Variants in EPHA5 observed in about 807,000 individuals in gnomAD.
EPHA5 encodes EPH receptor A5, also known as ephrin type-A receptor 5.
Under a neutral mutation model 105.0 loss-of-function variants are expected in EPHA5, and 60 were observed. That is an observed-to-expected ratio of 0.57 (90% CI 0.46 to 0.71). The LOEUF is 0.71. Among genes scored for constraint, EPHA5 ranks in the 30% least tolerant of loss-of-function variants. The pLI is 0.00. For synonymous variants in EPHA5, 513 were observed against 449.1 expected (o/e 1.14, Z -1.80); for missense variants, 1,218 against 1,274.7 (o/e 0.96, Z 0.68).
At position 65,629,814 on chromosome 4, in the gene EPHA5, C is replaced by A. The variant is rs367916207; in HGVS notation, c.246+13549G>T. Among the ~76,000 whole-genome samples, 49 of 152,204 alleles carry A rather than the reference C, an allele frequency of 3.2e-4. 1 individual carries two copies. The East Asian group carries it at 7.0e-3, about 22-fold the overall frequency. On this transcript the variant is annotated intron_variant, in intron 2 of 16. Coordinates refer to ENST00000613740, the MANE Select transcript of EPHA5 (RefSeq NM_001281766.3). ...CCCCCTACCCAGCTAGAGCTGTTTG[C>A]ATCAGTGATGCACAGGTGAACCAAG...
intron 8 of EPHA5, among the ~76,000 whole-genome samples, chr4:65,375,183 C>T (rs992788851): frequency 6.6e-6 from 1 of 151,752 alleles, no homozygotes; most frequent in Non-Finnish European, 1.5e-5. Context: ...TTTTATTTTA[C>T]CAAGAATATA....
chr4:65,580,295 C>T (rs554342016), intron 3 of EPHA5, among the ~76,000 whole-genome samples: 1 of 151,874 alleles, frequency 6.6e-6, no homozygotes, highest in South Asian at 2.1e-4. Context: ...ACAAACAAAC[C>T]TACAGAGCCA....
At chr4:65,449,485 T>G (rs1403180653) in intron 5 of EPHA5, among the ~76,000 whole-genome samples, 4 of 152,158 alleles carry the variant, frequency 2.6e-5, no homozygotes, top group Non-Finnish European at 4.4e-5. Context: ...GAAAGGGATA[T>G]GTACAAAGAT....
At chr4:65,386,709 A>T (rs570020688) in intron 8 of EPHA5, among the ~76,000 whole-genome samples, 2 of 152,026 alleles carry the variant, frequency 1.3e-5, no homozygotes, top group East Asian at 3.9e-4. Flanking sequence ...TGTTAAGTAA[A>T]AAAAACAGAA....
rs76031425 is a variant in EPHA5 at position 65,542,267 on chromosome 4, C to T, written c.911-46724G>A. Among the ~76,000 whole-genome samples the T allele has an allele frequency of 4.8e-3, 727 of 151,368 alleles. 8 individuals carry two copies. Among genetic ancestry groups the T allele is most frequent in the African/African-American group, 0.017 (693 of 41,386 alleles). ...GGAACTGAAGAAGATAAAGACACAA[C>T]AAACATCAAAAAATCAATAAATCCA... On this transcript the variant is annotated intron_variant, in intron 3 of 16. Transcript: ENST00000613740.
At chr4:65,380,523 A>C (rs893006741) in intron 8 of EPHA5, among the ~76,000 whole-genome samples, 4 of 151,764 alleles carry the variant, frequency 2.6e-5, no homozygotes, top group African/African-American at 4.8e-5. Context: ...ACTGCAGGCT[A>C]TGGATAAATT....
At chr4:65,330,514 C>T (rs1034776782) in intron 16 of EPHA5, 1 of 366,284 alleles carries the variant, frequency 2.7e-6, no homozygotes, top group Non-Finnish European at 3.8e-6. Context: ...GTAGATGTAA[C>T]TATATACAGA....
chr4:65,465,547 AAAGG>A (rs1180021660), intron 5 of EPHA5, among the ~76,000 whole-genome samples: 9 of 67,760 alleles, frequency 1.3e-4, no homozygotes, highest in East Asian at 5.3e-4. Context: ...GAAAGGAAGG[AAAGG>A]AAGGAAAGGA....
intron 3 of EPHA5, among the ~76,000 whole-genome samples, chr4:65,565,718 A>G (rs887927186): frequency 2.6e-5 from 4 of 151,658 alleles, no homozygotes; most frequent in African/African-American, 9.7e-5. Flanking sequence ...CTGTAAAGCT[A>G]GGAGGATGCC....
intron 5 of EPHA5, among the ~76,000 whole-genome samples, chr4:65,483,362 T>C (rs1043364664): frequency 2.6e-5 from 4 of 152,336 alleles, no homozygotes; most frequent in Admixed American, 2.6e-4. Context: ...TTACAATCCT[T>C]TGGGTATATA....
intron 2 of EPHA5, among the ~76,000 whole-genome samples, chr4:65,603,972 T>C (rs1743980312): frequency 6.6e-6 from 1 of 152,102 alleles, no homozygotes; most frequent in South Asian, 2.1e-4. Context: ...ATATGTCAAC[T>C]AACCAAATAA....
intron 5 of EPHA5, among the ~76,000 whole-genome samples, chr4:65,438,632 T>G (rs1170921531): frequency 6.6e-6 from 1 of 151,884 alleles, no homozygotes; most frequent in Non-Finnish European, 1.5e-5. Flanking sequence ...AAATGGAAAC[T>G]CTTCCATTGG....
rs1166473217 is a variant in EPHA5, at chr4:65,381,404, A to G, written c.1794-13980T>C. Reference sequence around the variant, plus strand: ...GCTGAAATGTTACATTCATTGCATTATGGAAAAATTTTTAGTTCACCCTGG... The same window carrying G: ...GCTGAAATGTTACATTCATTGCATTGTGGAAAAATTTTTAGTTCACCCTGG... On this transcript the variant is annotated intron_variant, in intron 8 of 16. Coordinates refer to ENST00000613740, the MANE Select transcript of EPHA5 (RefSeq NM_001281766.3). Among the ~76,000 whole-genome samples, 3 of 151,796 alleles carry G rather than the reference A, an allele frequency of 2.0e-5. No individual in the cohort carries two copies. In the East Asian group the frequency reaches 5.8e-4, roughly 29 times the overall value.
intron 5 of EPHA5, among the ~76,000 whole-genome samples, chr4:65,435,715 A>T (rs1725411208): frequency 6.6e-6 from 1 of 152,032 alleles, no homozygotes; most frequent in East Asian, 1.9e-4. Context: ...CATTAGGGGT[A>T]AAGAGCTGAG....
chr4:65,569,005 A>C, intron 3 of EPHA5, among the ~76,000 whole-genome samples: 1 of 151,148 alleles, frequency 6.6e-6, no homozygotes, highest in South Asian at 2.1e-4. Flanking sequence ...AAAATGCTTA[A>C]ATGATTGAAA....
chr4:65,365,246 G>T (rs894953021), intron 10 of EPHA5, 44 bp from the exon 11 acceptor site: 25 of 1,561,496 alleles, frequency 1.6e-5, no homozygotes, highest in African/African-American at 8.2e-5. Context: ...ATTTGAAATT[G>T]TTAGTCTATT....
At chr4:65,418,969 C>T (rs548748611) in intron 6 of EPHA5, among the ~76,000 whole-genome samples, 17 of 144,410 alleles carry the variant, frequency 1.2e-4, no homozygotes, top group South Asian at 6.6e-4. Context: ...CTGCAACCTC[C>T]GCTTCCTGGG....
chr4:65,603,697 AAG>A, intron 2 of EPHA5, among the ~76,000 whole-genome samples: 1 of 152,136 alleles, frequency 6.6e-6, no homozygotes, highest in East Asian at 1.9e-4. Flanking sequence ...TTAAATTCAC[AAG>A]AGAGAGACAT....
intron 5 of EPHA5, among the ~76,000 whole-genome samples, chr4:65,422,786 T>C (rs1405593410): frequency 6.6e-6 from 1 of 152,082 alleles, no homozygotes; most frequent in Non-Finnish European, 1.5e-5. Context: ...TGTTTCAAAT[T>C]TTTAAAGTTT....
Sources: gnomAD v4.1 joint callset for allele counts (sites outside exome capture counted in the v4.1 genomes callset) on GRCh38, gnomAD v4.1.1 for gene constraint, MANE v1.5 for transcripts, NCBI Gene and HGNC (gene_info 2026-07-23, HGNC 2026-07-21) for gene names.